The following MALRD1 variants were observed in gnomAD, a reference collection of about 807,000 sequenced individuals.
MALRD1 encodes the protein MAM and LDL-receptor class A domain-containing protein 1.
Under a neutral mutation model 242.1 loss-of-function variants are expected in MALRD1, and 247 were observed. The observed-to-expected ratio is 1.02, with a 90% CI of 0.92 to 1.13. The LOEUF (loss-of-function observed/expected upper bound fraction) is 1.13, where lower values mean the gene tolerates loss of function less well. Among genes scored for constraint, MALRD1 ranks in the 50% most tolerant of loss-of-function variants. The pLI is 0.00. For synonymous variants in MALRD1, 995 were observed against 866.6 expected (o/e 1.15, Z -2.60); for missense variants, 2,989 against 2,533.1 (o/e 1.18, Z -3.86).
chr10:19,311,329 T>C (rs959522260), intron 21 of MALRD1, among the ~76,000 whole-genome samples: 2 of 151,442 alleles, frequency 1.3e-5, no homozygotes, highest in Non-Finnish European at 3.0e-5. Flanking sequence ...TGTCTTGAGC[T>C]AGAATTTGGG....
intron 2 of MALRD1, among the ~76,000 whole-genome samples, chr10:19,071,435 T>G (rs1332291419): frequency 6.6e-6 from 1 of 152,044 alleles, no homozygotes; most frequent in Non-Finnish European, 1.5e-5. Context: ...TGCCTTGCAC[T>G]CCATCTGCAG....
At chr10:19,278,667 C>T (rs1057290593) in intron 19 of MALRD1, among the ~76,000 whole-genome samples, 14 of 152,038 alleles carry the variant, frequency 9.2e-5, no homozygotes, top group Admixed American at 5.9e-4. Context: ...ATGAAAGATA[C>T]ATCTGACTGC....
chr10:19,214,832 C>T (rs907469371), intron 18 of MALRD1, among the ~76,000 whole-genome samples: 1 of 152,170 alleles, frequency 6.6e-6, no homozygotes, highest in Non-Finnish European at 1.5e-5. Flanking sequence ...TTGAGACTTT[C>T]ACAAAATTGC....
chr10:19,337,350 G>A (rs2130942578), intron 24 of MALRD1, among the ~76,000 whole-genome samples: 1 of 152,206 alleles, frequency 6.6e-6, no homozygotes, highest in Non-Finnish European at 1.5e-5. Context: ...GCACAGTAAG[G>A]ACAGGCCTAG....
chr10:19,145,736 A>ATT (rs397744563), intron 10 of MALRD1, among the ~76,000 whole-genome samples: 3 of 148,618 alleles, frequency 2.0e-5, no homozygotes, highest in African/African-American at 7.4e-5. Flanking sequence ...ATGGCTAGGT[A>ATT]TTTTTTTTTT....
chr10:19,445,623 A>G (rs572968838), intron 28 of MALRD1, among the ~76,000 whole-genome samples: 2 of 152,302 alleles, frequency 1.3e-5, no homozygotes, highest in African/African-American at 2.4e-5. Context: ...AACAGCAAAT[A>G]TTGCAGAATG....
At chr10:19,603,576 A>G (rs940114593) in intron 34 of MALRD1, among the ~76,000 whole-genome samples, 2 of 152,230 alleles carry the variant, frequency 1.3e-5, no homozygotes, top group East Asian at 1.9e-4. Context: ...TACCAGTACT[A>G]TGCTGTTTTG....
intron 31 of MALRD1, among the ~76,000 whole-genome samples, chr10:19,530,354 A>AT (rs1180200776): frequency 4.6e-4 from 42 of 90,364 alleles, no homozygotes; most frequent in African/African-American, 2.5e-3. Context: ...ATAAATATAT[A>AT]ATATTTATAT....
intron 14 of MALRD1, among the ~76,000 whole-genome samples, chr10:19,188,295 T>C (rs1835825221): frequency 6.6e-6 from 1 of 152,196 alleles, no homozygotes; most frequent in Non-Finnish European, 1.5e-5. Flanking sequence ...AACTGGGACG[T>C]GGCTTAACAA....
rs115351856 is a variant in MALRD1, at chr10:19,250,763, A to G, written c.2992-6921A>G. Among the ~76,000 whole-genome samples the G allele has an allele frequency of 5.6e-3, 858 of 151,986 alleles. 8 individuals carry two copies. Among genetic ancestry groups the G allele is most frequent in the African/African-American group, 0.02 (824 of 41,494 alleles). ...GATGATGTGTGTGATGATATGTGTA[A>G]GACATTTGTTTAGATTCCAAAGTAA... On this transcript the variant is annotated intron_variant, in intron 18 of 39. Transcript: ENST00000454679.
chr10:19,494,038 G>C (rs1400605755), intron 30 of MALRD1, among the ~76,000 whole-genome samples: 1 of 152,116 alleles, frequency 6.6e-6, no homozygotes, highest in Non-Finnish European at 1.5e-5. Context: ...CACACATTCA[G>C]GGCATTAAGA....
intron 31 of MALRD1, among the ~76,000 whole-genome samples, chr10:19,508,250 AAAG>A (rs1564400177): frequency 1.3e-5 from 2 of 152,206 alleles, no homozygotes; most frequent in Non-Finnish European, 2.9e-5. Context: ...AATAGACAAA[AAAG>A]CTTTTTTCAA....
intron 26 of MALRD1, among the ~76,000 whole-genome samples, chr10:19,362,619 G>A (rs1338992946): frequency 1.3e-5 from 2 of 152,106 alleles, no homozygotes; most frequent in Non-Finnish European, 2.9e-5. Context: ...CTGGAAGAAG[G>A]TAGTGGGATA....
intron 38 of MALRD1, among the ~76,000 whole-genome samples, chr10:19,713,010 TATAATAAAAATA>T (rs888533031): frequency 2.5e-4 from 38 of 150,392 alleles, no homozygotes; most frequent in African/African-American, 7.4e-4. Context: ...TTTTGTAAAA[TATAATAAAAATA>T]ATTCTTAGAA....
intron 19 of MALRD1, among the ~76,000 whole-genome samples, chr10:19,266,713 A>C (rs1430270860): frequency 1.3e-5 from 2 of 152,022 alleles, no homozygotes; most frequent in Non-Finnish European, 2.9e-5. Flanking sequence ...TATGTAAATA[A>C]ATTCTTATTT....
At chr10:19,206,613 A>G (rs1397468738) in intron 17 of MALRD1, among the ~76,000 whole-genome samples, 2 of 152,206 alleles carry the variant, frequency 1.3e-5, no homozygotes, top group African/African-American at 2.4e-5. Flanking sequence ...ATTATGGATT[A>G]GTGAAAGAAT....
intron 38 of MALRD1, among the ~76,000 whole-genome samples, chr10:19,700,826 C>T (rs971117238): frequency 2.0e-5 from 3 of 152,096 alleles, no homozygotes; most frequent in Non-Finnish European, 4.4e-5. Context: ...CTCTTAGGAC[C>T]AAGATAATGA....
At chr10:19,542,665 G>T (rs1835023544) in intron 32 of MALRD1, among the ~76,000 whole-genome samples, 1 of 152,114 alleles carries the variant, frequency 6.6e-6, no homozygotes, top group African/African-American at 2.4e-5. Flanking sequence ...TTCTTGAAAT[G>T]TGTGAAAGAA....
intron 10 of MALRD1, among the ~76,000 whole-genome samples, chr10:19,145,403 G>A (rs897566088): frequency 6.6e-5 from 10 of 152,138 alleles, no homozygotes; most frequent in Admixed American, 3.3e-4. Flanking sequence ...CAGCACTTTG[G>A]CAGGCCAAAA....
Sources: allele counts gnomAD v4.1 joint callset (sites outside exome capture counted in the v4.1 genomes callset), GRCh38; gene constraint gnomAD v4.1.1; transcripts MANE v1.5; gene names NCBI Gene and HGNC (gene_info 2026-07-23, HGNC 2026-07-21).